Variants in ARHGEF40 observed in about 807,000 individuals in gnomAD.
The protein encoded by ARHGEF40 is Rho guanine nucleotide exchange factor 40.
ARHGEF40 carries 98 observed loss-of-function variants against 165.9 expected under a neutral mutation model. The observed-to-expected ratio is 0.59, with a 90% CI of 0.50 to 0.70. The LOEUF (loss-of-function observed/expected upper bound fraction) is 0.70. ARHGEF40 is among the 30% of genes least tolerant of loss of function. The probability of loss-of-function intolerance (pLI) is 0.00; values close to 1 mark genes in which losing one functional copy is unlikely to be tolerated. For synonymous variants in ARHGEF40, 792 were observed against 814.3 expected (o/e 0.97, Z 0.47); for missense variants, 1,815 against 1,968.0 (o/e 0.92, Z 1.47).
upstream of ARHGEF40, among the ~76,000 whole-genome samples, chr14:21,069,973 C>T (rs1441026352): frequency 1.3e-5 from 2 of 152,200 alleles, no homozygotes; most frequent in Non-Finnish European, 2.9e-5. Context: ...AAACTGATCC[C>T]GCGGGGAGCG....
rs1888661574 is a variant in ARHGEF40, at chr14:21,089,619, C to T, written c.*611C>T. 6.6e-6 allele frequency: 1 copy of T among 152,572 alleles called. No homozygotes were observed. 9.5% of individuals were successfully genotyped at this position (152,572 alleles called of 1,614,324 possible). A position where few individuals can be genotyped will look rare whatever the true frequency, so the allele number is the denominator to read the frequency against. On this transcript the variant is annotated 3_prime_UTR_variant, in exon 24 of 24. Coordinates refer to ENST00000298694, the MANE Select transcript of ARHGEF40 (RefSeq NM_018071.5). ...AACTTGAGCACTTTCCCTCAACCAGCCCTTAACTAGAACACAGAAAATAAA... is the reference window on the plus strand; with the variant it reads ...AACTTGAGCACTTTCCCTCAACCAGTCCTTAACTAGAACACAGAAAATAAA...
At chr14:21,076,287 G>A in intron 5 of ARHGEF40, 73 bp from the exon 6 acceptor site, 1 of 1,259,380 alleles carries the variant, frequency 7.9e-7, no homozygotes, top group South Asian at 1.2e-5. Flanking sequence ...GACCCCGTAT[G>A]TCTGCCTTGC....
rs779328393 is a variant in ARHGEF40 at position 21,088,828 on chromosome 14, A to C, written c.4519-2A>C. The C allele has an allele frequency of 6.2e-6, 10 of 1,611,746 alleles. No individual in the cohort carries two copies. The highest frequency in any genetic ancestry group is 5.1e-6 in the Non-Finnish European group (6 of 1,178,458). ...AATTCACTGTAGCTTCTCTCCCCCC[A>C]GAGTCATGCTCGAGCCCTGAGTGAC... is the stretch of plus-strand genomic sequence containing the variant. On this transcript the variant is annotated splice_acceptor_variant, in intron 22 of 23. Transcript: ENST00000298694. LOFTEE classifies it high-confidence loss of function.
chr14:21,082,957 C>T, intron 16 of ARHGEF40, 40 bp downstream of exon 16: 1 of 1,586,112 alleles, frequency 6.3e-7, no homozygotes, highest in Non-Finnish European at 8.7e-7. Flanking sequence ...AGTAGAGAGG[C>T]CAGAAAGACC....
In ARHGEF40 at chr14:21,074,594, G is replaced by A. The variant is rs1243472; in HGVS notation, c.864G>A (p.Ala288=). 329,608 of 1,565,868 alleles carry A rather than the reference G, an allele frequency of 0.21. 37,745 individuals are homozygous for A. Among genetic ancestry groups the A allele is most frequent in the East Asian group, 0.51 (22,175 of 43,564 alleles). The change falls in exon 3 of 24, where the codon GCG becomes GCA. Residue 288 remains alanine (A), a synonymous_variant. Transcript: ENST00000298694. The surrounding 1 kb of genome is among the most constrained non-coding windows in gnomAD (Gnocchi z 4.8). The stretch of plus-strand genomic sequence containing the variant: ...AGGGCCGCCACCGGAGACACCGGGC[G>A]TGGATGCACCAGAAGGGCCTGGGGC... ...GGKGRHRRHR[A]WMHQKGLGPR... is the part of the protein sequence containing the mutation.
intron 22 of ARHGEF40, among the ~76,000 whole-genome samples, chr14:21,088,370 T>G (rs1888543793): frequency 6.6e-6 from 1 of 152,028 alleles, no homozygotes; most frequent in African/African-American, 2.4e-5. Flanking sequence ...TGGCCTGGCT[T>G]GGACTTGGGT....
rs1473094548 is a variant in ARHGEF40, at chr14:21,090,057, T to A, written c.*1049T>A. ...CCCAAAGAGGGAAGCAGGACATAGGTAGGCAGACAGACACAGGGCCCTGTG... is the reference window on the plus strand; with the variant it reads ...CCCAAAGAGGGAAGCAGGACATAGGAAGGCAGACAGACACAGGGCCCTGTG... On this transcript the variant is annotated 3_prime_UTR_variant, in exon 24 of 24. Transcript: ENST00000298694. This position sits in a 1 kb window ranked among gnomAD's most constrained non-coding sequence, Gnocchi z 4.4. 3.3e-6 allele frequency: 1 copy of A among 303,922 alleles called. No individual in the cohort carries two copies. Among genetic ancestry groups the A allele is most frequent in the African/African-American group, 2.2e-5 (1 of 45,506 alleles). The allele number at this position is 303,922 out of a possible 1,614,324, so 18.8% of individuals were successfully genotyped here. A position where few individuals can be genotyped will look rare whatever the true frequency, so the allele number is the denominator to read the frequency against.
chr14:21,079,957 G>A (rs1887741754), intron 11 of ARHGEF40, among the ~76,000 whole-genome samples: 1 of 152,088 alleles, frequency 6.6e-6, no homozygotes, highest in Admixed American at 6.6e-5. Flanking sequence ...TCTATAGAAT[G>A]CGGATGGTAA....
In ARHGEF40 at chr14:21,085,772, G is replaced by C. The variant is rs1156293990; in HGVS notation, c.4044G>C (p.Glu1348Asp). 1 of 1,614,190 alleles carries C rather than the reference G, an allele frequency of 6.2e-7. No individual in the cohort carries two copies. The highest frequency in any genetic ancestry group is 8.5e-7 in the Non-Finnish European group (1 of 1,180,036). ...GGTTTCGGCGGCGGCGTGCACGAGA[G>C]GCATACACTCTGCAGGCAACCTCAC... ...ELWFRRRRAREAYTLQATSPE... is the reference protein window; with the variant it reads ...ELWFRRRRARDAYTLQATSPE... The change falls in exon 19 of 24, where the codon GAG becomes GAC. Residue 1348 changes from glutamate to aspartate, a missense_variant. By Grantham distance (45) the Glu-to-Asp change is conservative. Coordinates refer to ENST00000298694, the MANE Select transcript of ARHGEF40 (RefSeq NM_018071.5).
intron 10 of ARHGEF40, 80 bp from the exon 11 acceptor site, chr14:21,078,804 G>A: frequency 6.4e-7 from 1 of 1,555,780 alleles, no homozygotes; most frequent in Non-Finnish European, 8.8e-7. Context: ...TCTCATGTTT[G>A]CATCCCTCAG....
At chr14:21,081,474 T>C (rs117998300) in intron 13 of ARHGEF40, 35 bp from the exon 14 acceptor site, 40,204 of 1,608,746 alleles carry the variant, frequency 0.025, 611 homozygotes, top group Non-Finnish European at 0.031. Flanking sequence ...GCCCTTACCC[T>C]TTCTCTCCCA....
chr14:21,075,831 T>G lies in ARHGEF40; in HGVS notation c.1739+66T>G. 6.4e-7 allele frequency: 1 copy of G among 1,568,718 alleles called. No homozygotes were observed. Among genetic ancestry groups the G allele is most frequent in the Non-Finnish European group, 8.7e-7 (1 of 1,154,536 alleles). ...CTGATTCATGAGGACCCTCACCTCC[T>G]TCTTCTCAGGACACTGACCTTCTGA... On this transcript the variant is annotated intron_variant, in intron 5 of 23. Coordinates refer to ENST00000298694, the MANE Select transcript of ARHGEF40 (RefSeq NM_018071.5). The surrounding 1 kb of genome is among the most constrained non-coding windows in gnomAD (Gnocchi z 4.5).
At position 21,070,731 on chromosome 14, in the gene ARHGEF40, C is replaced by A. The variant is rs185060561; in HGVS notation, c.3+332C>A. On this transcript the variant is annotated intron_variant, in intron 1 of 23. Coordinates refer to ENST00000298694, the MANE Select transcript of ARHGEF40 (RefSeq NM_018071.5). This position sits in a 1 kb window ranked among gnomAD's most constrained non-coding sequence, Gnocchi z 4.7. Reference sequence around the variant, plus strand: ...CTTCCTTTCCTGGAGCTTCCCTCCCCCTCCTGGTCCGAGCTCCTTACCCGC... The same window carrying A: ...CTTCCTTTCCTGGAGCTTCCCTCCCACTCCTGGTCCGAGCTCCTTACCCGC... 20 of 1,352,836 alleles carry A rather than the reference C, an allele frequency of 1.5e-5. No homozygotes were observed. The highest frequency in any genetic ancestry group is 1.9e-5 in the Non-Finnish European group (19 of 986,160). The allele number at this position is 1,352,836 out of a possible 1,614,324, so 83.8% of individuals were successfully genotyped here.
chr14:21,075,107 T>C lies in ARHGEF40; in HGVS notation c.1377T>C (p.Ser459=), dbSNP rs1887297226. The part of the protein sequence containing the change: ...KTAGEKEPQL[S]EACGPTEEGA... ...CAGGCGAGAAAGAGCCTCAGCTCTC[T>C]GAAGCCTGTGGGCCTACAGAAGAGG... Residue 459 remains serine, a synonymous_variant, in exon 3 of 24, where the codon TCT becomes TCC. Transcript: ENST00000298694. The surrounding 1 kb of genome is among the most constrained non-coding windows in gnomAD (Gnocchi z 4.5). The C allele has an allele frequency of 2.5e-6, 4 of 1,613,930 alleles. No homozygotes were observed. The highest frequency in any genetic ancestry group is 3.4e-6 in the Non-Finnish European group (4 of 1,179,998).
Position 21,086,985 on chromosome 14 carries a change from T to A in ARHGEF40, c.4139-16T>A. On this transcript the variant is annotated splice_polypyrimidine_tract_variant and intron_variant, in intron 19 of 23. Coordinates refer to ENST00000298694, the MANE Select transcript of ARHGEF40 (RefSeq NM_018071.5). ...AGGGCAGGAAGAAGTTGGTAACAAG[T>A]GTCCCTATTCCCCAGAGCTCCGAGT... The A allele has an allele frequency of 6.3e-7, 1 of 1,584,302 alleles. No homozygotes were observed. The highest frequency in any genetic ancestry group is 8.6e-7 in the Non-Finnish European group (1 of 1,163,746).
rs552296649 is a variant in ARHGEF40 at position 21,085,074 on chromosome 14, G to A, written c.3960+151G>A. The A allele has an allele frequency of 4.3e-5, 43 of 1,000,510 alleles. No homozygotes were observed. In the South Asian group the frequency reaches 7.1e-4, roughly 16 times the overall value. 62.0% of individuals were successfully genotyped at this position (1,000,510 alleles called of 1,614,324 possible). A position where few individuals can be genotyped will look rare whatever the true frequency, so the allele number is the denominator to read the frequency against. The stretch of plus-strand genomic sequence containing the variant: ...TTGTAATCGACTATCGAGTTAGGGT[G>A]TCAGGGGATGTTAGAAGTCCCTGTC... On this transcript the variant is annotated intron_variant, in intron 18 of 23. Transcript: ENST00000298694.
At position 21,081,621 on chromosome 14, in the gene ARHGEF40, C is replaced by A. The variant is rs755175172; in HGVS notation, c.2753C>A (p.Thr918Asn). 3 of 1,610,602 alleles carry A rather than the reference C, an allele frequency of 1.9e-6. No individual in the cohort carries two copies. Among genetic ancestry groups the A allele is most frequent in the East Asian group, 2.2e-5 (1 of 44,832 alleles). ...LRRAPEPSAG[T>N]FQEMRALALD... is the part of the protein sequence containing the mutation. ...CGGGCCCCAGAGCCCAGTGCCGGCA[C>A]CTTCCAGGAGATGCGGGCCCTGGCC... The change falls in exon 14 of 24, where the codon ACC (threonine) becomes AAC (asparagine). Residue 918 changes from threonine to asparagine, a missense_variant. By Grantham distance (65) the Thr-to-Asn change is moderately conservative. Coordinates refer to ENST00000298694, the MANE Select transcript of ARHGEF40 (RefSeq NM_018071.5).
At chr14:21,084,705 C>A in intron 17 of ARHGEF40, 48 bp from the exon 18 acceptor site, 1 of 1,576,060 alleles carries the variant, frequency 6.3e-7, no homozygotes, top group South Asian at 1.2e-5. Flanking sequence ...CTGTAAAATA[C>A]AAACAAAGGG....
intron 23 of ARHGEF40, 58 bp downstream of exon 23, chr14:21,088,934 C>T (rs1594587675): frequency 2.6e-6 from 4 of 1,548,544 alleles, no homozygotes; most frequent in African/African-American, 2.7e-5. Context: ...TTGCATGTAC[C>T]TTCCTTCCTG....
Sources: allele counts gnomAD v4.1 joint callset (sites outside exome capture counted in the v4.1 genomes callset), GRCh38; gene constraint gnomAD v4.1.1; non-coding constraint Gnocchi (gnomAD v3.1); transcripts MANE v1.5; gene names NCBI Gene and HGNC (gene_info 2026-07-23, HGNC 2026-07-21).